The following ACVR1C variants were observed in gnomAD, a reference collection of about 807,000 sequenced individuals.
ACVR1C encodes the protein activin A receptor type 1C.
ACVR1C carries 23 observed loss-of-function variants against 57.9 expected under a neutral mutation model. The ratio of observed to expected loss-of-function variants is 0.40; its 90% CI spans 0.29 to 0.56. The LOEUF (loss-of-function observed/expected upper bound fraction) is 0.56, where lower values mean the gene tolerates loss of function less well. ACVR1C is among the 20% of genes least tolerant of loss of function. The pLI is 0.50. For synonymous variants in ACVR1C, 214 were observed against 215.3 expected, an observed-to-expected ratio of 0.99 and a Z score of 0.05; for missense variants, 480 against 607.9, an observed-to-expected ratio of 0.79 and a Z score of 2.21.
rs1304601898 is a variant in ACVR1C at position 157,532,942 on chromosome 2, T to C, written c.*976A>G. 1 of 152,176 alleles carries C rather than the reference T, an allele frequency of 6.6e-6. No individual in the cohort carries two copies. Among genetic ancestry groups the C allele is most frequent in the Non-Finnish European group, 1.5e-5 (1 of 68,028 alleles). The allele number at this position is 152,176 out of a possible 1,614,324, so 9.4% of individuals were successfully genotyped here. On this transcript the variant is annotated 3_prime_UTR_variant, in exon 9 of 9. Transcript: ENST00000243349. The stretch of plus-strand genomic sequence containing the variant: ...AATGAATATTTATGTTTGATTAATC[T>C]TTGGAAGTGTTCAGAAAACATTAAT...
chr2:157,554,268 A>AAAGGAAGG lies in ACVR1C; in HGVS notation c.544+1817_544+1824dup, dbSNP rs1160617438. On this transcript the variant is annotated intron_variant, in intron 3 of 8. Coordinates refer to ENST00000243349, the MANE Select transcript of ACVR1C (RefSeq NM_145259.3). Reference sequence around the variant, plus strand: ...GAAAGAAAGAAAGAAAGAAAGAAAGAAAGGAAGGAAGGAAGAGAGAGAGAG... The same window carrying AAAGGAAGG: ...GAAAGAAAGAAAGAAAGAAAGAAAGAAAGGAAGGAAGGAAGGAAGGAAGAGAGAGAGAG... Among the ~76,000 whole-genome samples the AAAGGAAGG allele has an allele frequency of 1.8e-3, 199 of 113,600 alleles. 4 individuals are homozygous for AAAGGAAGG. The highest frequency in any genetic ancestry group is 7.0e-3 in the African/African-American group (136 of 19,442). 74.5% of individuals were successfully genotyped at this position (113,600 alleles called of 152,430 possible).
chr2:157,596,781 T>C (rs894255046), intron 1 of ACVR1C, among the ~76,000 whole-genome samples: 1 of 152,218 alleles, frequency 6.6e-6, no homozygotes. Flanking sequence ...TTAAGATCAT[T>C]ATTTAAAGAG....
chr2:157,602,159 C>T (rs1030474149), intron 1 of ACVR1C, among the ~76,000 whole-genome samples: 4 of 152,102 alleles, frequency 2.6e-5, no homozygotes, highest in East Asian at 1.9e-4. Flanking sequence ...CTGTACATAA[C>T]GAAGGGGTAG....
At chr2:157,554,281 A>AAGGAAGGAAGGAAGGAAGGAAGGG (rs1558975202) in intron 3 of ACVR1C, among the ~76,000 whole-genome samples, 3 of 122,348 alleles carry the variant, frequency 2.5e-5, no homozygotes, top group African/African-American at 1.3e-4. Context: ...GGAAGGAAGG[A>AAGGAAGGAAGGAAGGAAGGAAGGG]AGAGAGAGAG....
At position 157,554,281 on chromosome 2, in the gene ACVR1C, A is replaced by AAG. The variant is rs376177092; in HGVS notation, c.544+1810_544+1811dup. Among the ~76,000 whole-genome samples the AAG allele has an allele frequency of 1.8e-3, 219 of 122,356 alleles. 4 individuals are homozygous for AAG. Among genetic ancestry groups the AAG allele is most frequent in the African/African-American group, 6.7e-3 (158 of 23,632 alleles). The allele number at this position is 122,356 out of a possible 152,430, so 80.3% of individuals were successfully genotyped here. A position where few individuals can be genotyped will look rare whatever the true frequency, so the allele number is the denominator to read the frequency against. ...AAAGAAAGAAAGAAAGGAAGGAAGG[A>AAG]AGAGAGAGAGAGAGAGAAAGAAAGA... is the stretch of plus-strand genomic sequence containing the variant. On this transcript the variant is annotated intron_variant, in intron 3 of 8. Transcript: ENST00000243349.
intron 2 of ACVR1C, among the ~76,000 whole-genome samples, chr2:157,583,372 G>A (rs1335352873): frequency 1.3e-5 from 2 of 152,030 alleles, no homozygotes; most frequent in East Asian, 3.9e-4. Context: ...AGAGTAACTG[G>A]AGAACTAAAT....
In ACVR1C at chr2:157,592,569, C is replaced by T. The variant is rs149447188; in HGVS notation, c.74-5152G>A. Among the ~76,000 whole-genome samples, 1,159 of 152,104 alleles carry T rather than the reference C, an allele frequency of 7.6e-3. 8 individuals are homozygous for T. The highest frequency in any genetic ancestry group is 0.013 in the Admixed American group (201 of 15,268). On this transcript the variant is annotated intron_variant, in intron 1 of 8. Coordinates refer to ENST00000243349, the MANE Select transcript of ACVR1C (RefSeq NM_145259.3). ...ACTGGCAGTATGATAGGACTGACAG[C>T]GAACAAACAGCAAACTAAATAGGAC...
chr2:157,580,196 T>C (rs1007881041), intron 2 of ACVR1C, among the ~76,000 whole-genome samples: 1 of 152,198 alleles, frequency 6.6e-6, no homozygotes, highest in Non-Finnish European at 1.5e-5. Context: ...AATATTTAAA[T>C]TGTTTTCTGG....
chr2:157,588,848 C>CATATATATATATATGTAT (rs1553484218), intron 1 of ACVR1C, among the ~76,000 whole-genome samples: 10 of 89,090 alleles, frequency 1.1e-4, no homozygotes, highest in Middle Eastern at 0.011. Flanking sequence ...ACAAACACAC[C>CATATATATATATATGTAT]ATATATATAT....
rs1186975564 is a variant in ACVR1C at position 157,531,168 on chromosome 2, A to G, written c.*2750T>C. 1 of 152,020 alleles carries G rather than the reference A, an allele frequency of 6.6e-6. No individual in the cohort carries two copies. Among genetic ancestry groups the G allele is most frequent in the Non-Finnish European group, 1.5e-5 (1 of 67,946 alleles). The allele number at this position is 152,020 out of a possible 1,614,324, so 9.4% of individuals were successfully genotyped here. The stretch of plus-strand genomic sequence containing the variant: ...ATAACATTTGACAGCATAAGTATAT[A>G]CAAGAAGCCTGCCTTATGCTCTAAA... On this transcript the variant is annotated 3_prime_UTR_variant, in exon 9 of 9. Coordinates refer to ENST00000243349, the MANE Select transcript of ACVR1C (RefSeq NM_145259.3).
rs1415635297 is a variant in ACVR1C at position 157,527,027 on chromosome 2, T to C, written c.*6891A>G. 2 of 152,182 alleles carry C rather than the reference T, an allele frequency of 1.3e-5. No individual in the cohort carries two copies. Among genetic ancestry groups the C allele is most frequent in the Non-Finnish European group, 2.9e-5 (2 of 68,026 alleles). The allele number at this position is 152,182 out of a possible 1,614,324, so 9.4% of individuals were successfully genotyped here. ...GTTAAACATTTTGGTATAAAGGCTA[T>C]CACTGAGTTTTTAATAAATTCTAAA... On this transcript the variant is annotated 3_prime_UTR_variant, in exon 9 of 9. Transcript: ENST00000243349.
At position 157,587,340 on chromosome 2, in the gene ACVR1C, T is replaced by A. The variant is rs1420455920; in HGVS notation, c.151A>T (p.Met51Leu). The A allele has an allele frequency of 6.2e-7, 1 of 1,613,708 alleles. No homozygotes were observed. The highest frequency in any genetic ancestry group is 1.1e-5 in the South Asian group (1 of 91,082). ...ACCTGCTCTTTTCCATTGGTTAGCA[T>A]GACTGATGCCCAACATGCTCCTTCT... ...QTEGACWASV[M>L]LTNGKEQVIK... The change falls in exon 2 of 9, where the codon ATG becomes TTG. Residue 51 changes from methionine (M) to leucine (L), a missense_variant. Coordinates refer to ENST00000243349, the MANE Select transcript of ACVR1C (RefSeq NM_145259.3).
intron 1 of ACVR1C, among the ~76,000 whole-genome samples, chr2:157,594,360 T>C (rs1031601447): frequency 6.6e-6 from 1 of 150,672 alleles, no homozygotes; most frequent in Non-Finnish European, 1.5e-5. Flanking sequence ...TACTCTGAAC[T>C]TGTGTCACAA....
In ACVR1C at chr2:157,532,909, T is replaced by G. The variant is rs959327586; in HGVS notation, c.*1009A>C. ...CCTCTGAATTGTATCTTAAAGACATTTTCAGACAATGAATATTTATGTTTG... is the reference window on the plus strand; with the variant it reads ...CCTCTGAATTGTATCTTAAAGACATGTTCAGACAATGAATATTTATGTTTG... On this transcript the variant is annotated 3_prime_UTR_variant, in exon 9 of 9. Transcript: ENST00000243349. The G allele has an allele frequency of 6.6e-6, 1 of 152,194 alleles. No homozygotes were observed. Among genetic ancestry groups the G allele is most frequent in the Admixed American group, 6.6e-5 (1 of 15,266 alleles). 9.4% of individuals were successfully genotyped at this position (152,194 alleles called of 1,614,324 possible). A position where few individuals can be genotyped will look rare whatever the true frequency, so the allele number is the denominator to read the frequency against.
intron 2 of ACVR1C, among the ~76,000 whole-genome samples, chr2:157,561,108 A>G (rs972060022): frequency 1.2e-4 from 19 of 152,282 alleles, no homozygotes; most frequent in African/African-American, 4.6e-4. Context: ...CATCCAAACA[A>G]AGTCCATTCT....
At chr2:157,602,731 A>C (rs1301217306) in intron 1 of ACVR1C, among the ~76,000 whole-genome samples, 1 of 152,172 alleles carries the variant, frequency 6.6e-6, no homozygotes, top group East Asian at 1.9e-4. Context: ...ATAATTAAAC[A>C]TACAGGATAT....
At chr2:157,628,163 G>A (rs1327125949) in intron 1 of ACVR1C, among the ~76,000 whole-genome samples, 1 of 152,124 alleles carries the variant, frequency 6.6e-6, no homozygotes, top group Non-Finnish European at 1.5e-5. Flanking sequence ...CAGGGGCTTA[G>A]CACAGAGCGC....
chr2:157,606,335 T>C (rs571898975), intron 1 of ACVR1C, among the ~76,000 whole-genome samples: 3 of 152,024 alleles, frequency 2.0e-5, no homozygotes, highest in South Asian at 4.1e-4. Context: ...GATTGCTGGA[T>C]TGAATGGTAG....
intron 1 of ACVR1C, chr2:157,597,596 C>G: frequency 1.0e-6 from 1 of 984,412 alleles, no homozygotes; most frequent in Non-Finnish European, 1.2e-6. Flanking sequence ...TCCCGGCGCA[C>G]CCGGGTACCA....
Sources: gnomAD v4.1 joint callset for allele counts (sites outside exome capture counted in the v4.1 genomes callset) on GRCh38, gnomAD v4.1.1 for gene constraint, MANE v1.5 for transcripts, NCBI Gene and HGNC (gene_info 2026-07-23, HGNC 2026-07-21) for gene names.